Variants in MACROD2 observed in about 807,000 individuals in gnomAD.
The protein encoded by MACROD2 is mono-ADP ribosylhydrolase 2.
MACROD2 carries 36 observed loss-of-function variants against 70.4 expected under a neutral mutation model. The observed-to-expected ratio is 0.51, with a 90% CI of 0.39 to 0.68. The LOEUF is 0.68. Ranked by LOEUF, MACROD2 falls within the 30% of genes least tolerant of loss-of-function variation. The probability of loss-of-function intolerance (pLI) is 0.00; values close to 1 mark genes in which losing one functional copy is unlikely to be tolerated. For missense variants in MACROD2, 496 were observed against 538.4 expected (o/e 0.92, Z 0.78); for synonymous variants, 172 against 178.8 (o/e 0.96, Z 0.30).
Position 15,869,238 on chromosome 20 carries a change from T to TATATAGAG in MACROD2, c.727+6413_727+6414insTATAGAGA. 8.2e-3 allele frequency among the ~76,000 whole-genome samples: 233 copies of TATATAGAG among 28,288 alleles called. 7 individuals carry two copies. The highest frequency in any genetic ancestry group is 0.015 in the Non-Finnish European group (196 of 13,034). 18.6% of individuals were successfully genotyped at this position (28,288 alleles called of 152,430 possible). On this transcript the variant is annotated intron_variant, in intron 9 of 17. Coordinates refer to ENST00000684519, the MANE Select transcript of MACROD2 (RefSeq NM_001351661.2). ...ATATATATATATATATATATATATA[T>TATATAGAG]AGAGAGAGAGAGAGAGAGAGAGAGA...
chr20:15,391,799 G>T (rs1418145072), intron 6 of MACROD2, among the ~76,000 whole-genome samples: 1 of 152,074 alleles, frequency 6.6e-6, no homozygotes, highest in Non-Finnish European at 1.5e-5. Context: ...TTTGATTTAG[G>T]CCACCGTTGA....
intron 8 of MACROD2, among the ~76,000 whole-genome samples, chr20:15,827,807 G>A (rs2064013575): frequency 6.6e-6 from 1 of 152,174 alleles, no homozygotes; most frequent in Admixed American, 6.6e-5. Flanking sequence ...AGGGCATTGT[G>A]GTAGATGTGG....
chr20:14,947,335 C>G (rs1237794692), intron 5 of MACROD2, among the ~76,000 whole-genome samples: 1 of 152,184 alleles, frequency 6.6e-6, no homozygotes, highest in Non-Finnish European at 1.5e-5. Context: ...CAGCATGATT[C>G]CATTTCTGAC....
At chr20:14,555,287 GAATTCCCCCA>G (rs1978954415) in intron 4 of MACROD2, among the ~76,000 whole-genome samples, 1 of 151,874 alleles carries the variant, frequency 6.6e-6, no homozygotes, top group Non-Finnish European at 1.5e-5. Context: ...GTTTAAATTA[GAATTCCCCCA>G]AATTCTAGTA....
At chr20:14,341,378 C>A (rs561803135) in intron 3 of MACROD2, among the ~76,000 whole-genome samples, 66 of 152,340 alleles carry the variant, frequency 4.3e-4, no homozygotes, top group Non-Finnish European at 1.8e-4. Context: ...TGGCTCATGC[C>A]TGTAATCCCA....
At chr20:14,101,092 G>A (rs2054298236) in intron 3 of MACROD2, among the ~76,000 whole-genome samples, 1 of 151,090 alleles carries the variant, frequency 6.6e-6, no homozygotes, top group Non-Finnish European at 1.5e-5. Context: ...CCACCTTACT[G>A]AAGTTAATTA....
At chr20:15,519,159 G>T (rs556300149) in intron 8 of MACROD2, among the ~76,000 whole-genome samples, 6 of 150,610 alleles carry the variant, frequency 4.0e-5, no homozygotes, top group Non-Finnish European at 8.8e-5. Context: ...CGCCCAGGCT[G>T]GAGTGCAGTG....
rs577659935 is a variant in MACROD2 at position 15,856,111 on chromosome 20, T to C, written c.646-6634T>C. Among the ~76,000 whole-genome samples, 5 of 152,324 alleles carry C rather than the reference T, an allele frequency of 3.3e-5. No homozygotes were observed. In the East Asian group the frequency reaches 9.7e-4, roughly 29 times the overall value. ...ATTTACTATGTACTGCCAAATAATT[T>C]TCCAAAGAGGTTTCCAATTTTTATT... On this transcript the variant is annotated intron_variant, in intron 8 of 17. Coordinates refer to ENST00000684519, the MANE Select transcript of MACROD2 (RefSeq NM_001351661.2).
chr20:14,437,830 CTT>C (rs2084075124), intron 3 of MACROD2, among the ~76,000 whole-genome samples: 1 of 152,002 alleles, frequency 6.6e-6, no homozygotes, highest in Non-Finnish European at 1.5e-5. Context: ...AATAAATTCT[CTT>C]GTGTATATTT....
chr20:15,645,915 C>T lies in MACROD2; in HGVS notation c.645+146068C>T, dbSNP rs192963664. 2.4e-4 allele frequency among the ~76,000 whole-genome samples: 37 copies of T among 152,254 alleles called. No homozygotes were observed. In the East Asian group the frequency reaches 3.5e-3, roughly 14 times the overall value. ...GCTAATTTGAAATCACATACACATG[C>T]GATATAAATGGTAGACATGGCTTTC... is the stretch of plus-strand genomic sequence containing the variant. On this transcript the variant is annotated intron_variant, in intron 8 of 17. Transcript: ENST00000684519.
chr20:15,821,657 T>A (rs975703460), intron 8 of MACROD2, among the ~76,000 whole-genome samples: 3 of 152,212 alleles, frequency 2.0e-5, no homozygotes, highest in Non-Finnish European at 2.9e-5. Context: ...GTATTGACCA[T>A]GTACACGCAT....
chr20:14,204,049 A>T (rs1834135733), intron 3 of MACROD2, among the ~76,000 whole-genome samples: 1 of 152,172 alleles, frequency 6.6e-6, no homozygotes. Context: ...GGTGCCAGCA[A>T]TGGAGGGACT....
intron 3 of MACROD2, among the ~76,000 whole-genome samples, chr20:14,437,987 GA>G (rs1408188789): frequency 6.6e-6 from 1 of 151,992 alleles, no homozygotes; most frequent in Non-Finnish European, 1.5e-5. Context: ...CAAAAATCCT[GA>G]AAAAAATATA....
intron 5 of MACROD2, among the ~76,000 whole-genome samples, chr20:15,059,497 C>A (rs1260545063): frequency 6.6e-6 from 1 of 152,182 alleles, no homozygotes; most frequent in African/African-American, 2.4e-5. Context: ...TATTTAATAA[C>A]AGGGATTATT....
intron 5 of MACROD2, among the ~76,000 whole-genome samples, chr20:15,222,381 T>A (rs184844470): frequency 4.7e-4 from 72 of 152,344 alleles, no homozygotes; most frequent in African/African-American, 1.6e-3. Flanking sequence ...AGAGGCAGCA[T>A]TTACTTTGTA....
chr20:15,691,705 G>A (rs79665782), intron 8 of MACROD2, among the ~76,000 whole-genome samples: 2,761 of 152,310 alleles, frequency 0.018, 88 homozygotes, highest in African/African-American at 0.064. Flanking sequence ...GAGTTGAAAA[G>A]CAAACATGGA....
chr20:15,907,170 G>A (rs1278840705), intron 10 of MACROD2, among the ~76,000 whole-genome samples: 1 of 152,208 alleles, frequency 6.6e-6, no homozygotes, highest in Non-Finnish European at 1.5e-5. Flanking sequence ...TCTTTTAGTA[G>A]AGAAGCGTAT....
intron 15 of MACROD2, among the ~76,000 whole-genome samples, chr20:15,993,828 T>C (rs1555564): frequency 0.29 from 43,432 of 152,102 alleles, 7,071 homozygotes; most frequent in South Asian, 0.37. Flanking sequence ...ACAAATCTCA[T>C]TTTCATTACT....
Position 14,632,283 on chromosome 20 carries a change from A to T in MACROD2, c.302-52560A>T, listed in dbSNP as rs891875444. On this transcript the variant is annotated intron_variant, in intron 4 of 17. Transcript: ENST00000684519. ...ATATTTAGAATTTAATTTAAATATT[A>T]TATGTCAAGGTTAAAAGTTAGAAAC... is the stretch of plus-strand genomic sequence containing the variant. Among the ~76,000 whole-genome samples, 3 of 152,170 alleles carry T rather than the reference A, an allele frequency of 2.0e-5. No homozygotes were observed. The East Asian group carries it at 5.8e-4, about 29-fold the overall frequency.
Sources: allele counts gnomAD v4.1 joint callset (sites outside exome capture counted in the v4.1 genomes callset), GRCh38; gene constraint gnomAD v4.1.1; transcripts MANE v1.5; gene names NCBI Gene and HGNC (gene_info 2026-07-23, HGNC 2026-07-21).